Variants in RBFOX1 observed in about 807,000 individuals in gnomAD.
The protein encoded by RBFOX1 is RNA binding fox-1 homolog 1.
A neutral mutation model predicts 57.7 loss-of-function variants in RBFOX1; 8 were observed. The ratio of observed to expected loss-of-function variants is 0.14; its 90% CI spans 0.08 to 0.25. RBFOX1 has a LOEUF of 0.25. Ranked by LOEUF, RBFOX1 falls within the 10% of genes least tolerant of loss-of-function variation. The probability of loss-of-function intolerance (pLI) is 1.00; values close to 1 mark genes in which losing one functional copy is unlikely to be tolerated. For synonymous variants in RBFOX1, 326 were observed against 222.4 expected (o/e 1.47, Z -4.15); for missense variants, 611 against 548.5 (o/e 1.11, Z -1.14).
intron 12 of RBFOX1, 114 bp downstream of exon 12, chr16:7,654,061 A>C: frequency 6.1e-6 from 7 of 1,144,674 alleles, no homozygotes; most frequent in Non-Finnish European, 7.1e-6. Flanking sequence ...CACCCCCAGA[A>C]CCGCCCCCAG....
intron 4 of RBFOX1, among the ~76,000 whole-genome samples, chr16:7,102,626 C>A (rs865842485): frequency 1.3e-5 from 2 of 152,138 alleles, no homozygotes; most frequent in African/African-American, 4.8e-5. Context: ...GCACTTGTCA[C>A]CTTGAAATGC....
chr16:5,268,916 T>G (rs2062930831), intron 1 of RBFOX1, among the ~76,000 whole-genome samples: 1 of 120,784 alleles, frequency 8.3e-6, no homozygotes, highest in African/African-American at 2.7e-5. Context: ...TTATTTTCTC[T>G]ATTTTTTTTT....
intron 3 of RBFOX1, among the ~76,000 whole-genome samples, chr16:6,988,754 T>C (rs1343476411): frequency 1.3e-5 from 1 of 76,766 alleles, no homozygotes; most frequent in Non-Finnish European, 3.8e-5. Context: ...TTTGTTTGTT[T>C]TTTGTTTTTT....
At chr16:7,666,874 G>A (rs2069497265) in intron 13 of RBFOX1, among the ~76,000 whole-genome samples, 1 of 152,144 alleles carries the variant, frequency 6.6e-6, no homozygotes, top group South Asian at 2.1e-4. Context: ...TTTGGGCCAA[G>A]CCCACTGGGT....
intron 4 of RBFOX1, among the ~76,000 whole-genome samples, chr16:7,199,471 G>A (rs12709186): frequency 0.27 from 40,983 of 152,056 alleles, 5,778 homozygotes; most frequent in Non-Finnish European, 0.32. Flanking sequence ...GGCAGCGTAC[G>A]CCTGAAGGTT....
intron 3 of RBFOX1, among the ~76,000 whole-genome samples, chr16:5,821,289 TTTTTTTA>T (rs1449348003): frequency 1.1e-4 from 14 of 131,770 alleles, no homozygotes; most frequent in Middle Eastern, 3.5e-3. Flanking sequence ...TCATTCTCTC[TTTTTTTA>T]TTTTTTTTTT....
At chr16:5,317,857 C>G (rs1299221224) in intron 1 of RBFOX1, among the ~76,000 whole-genome samples, 1 of 152,280 alleles carries the variant, frequency 6.6e-6, no homozygotes, top group African/African-American at 2.4e-5. Flanking sequence ...TGTGTGACAG[C>G]TACCACTATT....
intron 4 of RBFOX1, among the ~76,000 whole-genome samples, chr16:7,229,989 A>G (rs1381773582): frequency 1.1e-5 from 1 of 91,546 alleles, no homozygotes; most frequent in African/African-American, 5.2e-5. Context: ...AGGAAGGGAG[A>G]GAGAGGGAGG....
At chr16:5,548,194 TATATATATATAG>T (rs2045312793) in intron 2 of RBFOX1, among the ~76,000 whole-genome samples, 1 of 130,692 alleles carries the variant, frequency 7.7e-6, no homozygotes, top group Non-Finnish European at 1.6e-5. Context: ...TATATATATA[TATATATATATAG>T]ACATTGGGGA....
At chr16:6,952,460 C>T (rs1245393845) in intron 3 of RBFOX1, among the ~76,000 whole-genome samples, 2 of 151,508 alleles carry the variant, frequency 1.3e-5, no homozygotes, top group East Asian at 2.0e-4. Context: ...CAGCCTGGGC[C>T]ACGTATTAAG....
intron 4 of RBFOX1, among the ~76,000 whole-genome samples, chr16:7,076,690 A>T (rs1019422223): frequency 6.6e-6 from 1 of 152,226 alleles, no homozygotes; most frequent in Non-Finnish European, 1.5e-5. Context: ...AAGTGTAAAC[A>T]ATTCTAAATA....
intron 1 of RBFOX1, among the ~76,000 whole-genome samples, chr16:6,304,876 CAAAAA>C (rs58680911): frequency 1.3e-5 from 1 of 79,670 alleles, no homozygotes; most frequent in Non-Finnish European, 2.2e-5. Context: ...GACCCTGTCT[CAAAAA>C]AAAAAAAAAA....
chr16:6,676,150 A>AGTG (rs1568166350), intron 3 of RBFOX1, among the ~76,000 whole-genome samples: 32 of 125,900 alleles, frequency 2.5e-4, no homozygotes, highest in Admixed American at 4.0e-4. Flanking sequence ...GCGCACACAC[A>AGTG]CACACACACA....
At chr16:6,624,138 T>C (rs1349999314) in intron 2 of RBFOX1, among the ~76,000 whole-genome samples, 2 of 152,060 alleles carry the variant, frequency 1.3e-5, no homozygotes, top group Admixed American at 6.6e-5. Context: ...AAACAAAATA[T>C]AAGTATGCAA....
chr16:7,583,101 A>G (rs2093900104), intron 6 of RBFOX1, among the ~76,000 whole-genome samples: 1 of 149,172 alleles, frequency 6.7e-6, no homozygotes, highest in Non-Finnish European at 1.5e-5. Context: ...CTTTCTACTC[A>G]TTGGAAGCAT....
chr16:7,067,302 T>C (rs1004083081), intron 4 of RBFOX1, among the ~76,000 whole-genome samples: 1 of 83,158 alleles, frequency 1.2e-5, no homozygotes, highest in Admixed American at 1.1e-4. Context: ...CCCTAACAAA[T>C]TACCACAAAA....
intron 4 of RBFOX1, among the ~76,000 whole-genome samples, chr16:7,260,008 T>A (rs2094854122): frequency 1.3e-5 from 2 of 152,206 alleles, no homozygotes; most frequent in South Asian, 4.1e-4. Flanking sequence ...TTGTGCAATG[T>A]GTGGCTTGTC....
chr16:7,085,846 C>G lies in RBFOX1; in HGVS notation c.27+33748C>G, dbSNP rs56292912. Among the ~76,000 whole-genome samples, 1,004 of 152,140 alleles carry G rather than the reference C, an allele frequency of 6.6e-3. 14 individuals carry two copies. The highest frequency in any genetic ancestry group is 0.023 in the African/African-American group (958 of 41,456). ...TGTTCAGATGGTCCTGGTTTTAGCACTGAAAATCCTGCATCCCAGGAAACC... is the reference window on the plus strand; with the variant it reads ...TGTTCAGATGGTCCTGGTTTTAGCAGTGAAAATCCTGCATCCCAGGAAACC... On this transcript the variant is annotated intron_variant, in intron 4 of 15. Transcript: ENST00000550418.
chr16:7,076,350 G>C lies in RBFOX1; in HGVS notation c.27+24252G>C, dbSNP rs558471496. Among the ~76,000 whole-genome samples, 13 of 152,086 alleles carry C rather than the reference G, an allele frequency of 8.5e-5. No homozygotes were observed. In the East Asian group the frequency reaches 1.2e-3, roughly 14 times the overall value. ...CCCGGCCATTTTTTTCTTTATGGTA[G>C]AATTAAGTAGAAATGAAATCATTTA... is the stretch of plus-strand genomic sequence containing the variant. On this transcript the variant is annotated intron_variant, in intron 4 of 15. Transcript: ENST00000550418.
Sources: gnomAD v4.1 joint callset for allele counts (sites outside exome capture counted in the v4.1 genomes callset) on GRCh38, gnomAD v4.1.1 for gene constraint, MANE v1.5 for transcripts, NCBI Gene and HGNC (gene_info 2026-07-23, HGNC 2026-07-21) for gene names.